The following CLVS1 variants were observed in gnomAD, a reference collection of about 807,000 sequenced individuals.
CLVS1 encodes the protein clavesin-1.
Under a neutral mutation model 33.1 loss-of-function variants are expected in CLVS1, and 10 were observed. The ratio of observed to expected loss-of-function variants is 0.30; its 90% CI spans 0.19 to 0.51. The LOEUF (loss-of-function observed/expected upper bound fraction) is 0.51, where lower values mean the gene tolerates loss of function less well. CLVS1 is among the 20% of genes least tolerant of loss of function. The probability of loss-of-function intolerance (pLI) is 0.97; values close to 1 mark genes in which losing one functional copy is unlikely to be tolerated. For synonymous variants in CLVS1, 163 were observed against 166.1 expected (o/e 0.98, Z 0.14); for missense variants, 343 against 433.4 (o/e 0.79, Z 1.85).
At chr8:61,101,186 C>A (rs1244024519) in intron 1 of CLVS1, among the ~76,000 whole-genome samples, 2 of 152,152 alleles carry the variant, frequency 1.3e-5, no homozygotes, top group East Asian at 3.9e-4. Context: ...AAAGTGACTG[C>A]ACTATTTTAT....
chr8:61,215,606 T>C (rs1808066114), intron 2 of CLVS1, among the ~76,000 whole-genome samples: 1 of 152,078 alleles, frequency 6.6e-6, no homozygotes, highest in Non-Finnish European at 1.5e-5. Flanking sequence ...TCCTACTAGC[T>C]AGAACTTTGA....
chr8:61,063,499 A>G (rs1278169750), intron 1 of CLVS1, among the ~76,000 whole-genome samples: 1 of 152,152 alleles, frequency 6.6e-6, no homozygotes, highest in East Asian at 1.9e-4. Flanking sequence ...GGACAGGAAC[A>G]TTGCAAGCTG....
chr8:61,417,879 G>C (rs1329992243), intron 3 of CLVS1, among the ~76,000 whole-genome samples: 1 of 152,190 alleles, frequency 6.6e-6, no homozygotes, highest in African/African-American at 2.4e-5. Flanking sequence ...TCCACCTGGT[G>C]GCTGTCCTCA....
chr8:61,033,191 T>C, the CLVS1 span, among the ~76,000 whole-genome samples: 1 of 143,682 alleles, frequency 7.0e-6, no homozygotes, highest in East Asian at 2.1e-4. Flanking sequence ...TAGCCAAGTG[T>C]GGTGGTGCAC....
At chr8:61,429,916 C>A (rs1230642420) in intron 3 of CLVS1, among the ~76,000 whole-genome samples, 6 of 152,130 alleles carry the variant, frequency 3.9e-5, no homozygotes, top group African/African-American at 1.4e-4. Flanking sequence ...TCTCTTTTGG[C>A]CCTTAAATTC....
the CLVS1 span, among the ~76,000 whole-genome samples, chr8:61,044,198 G>C: frequency 6.6e-6 from 1 of 152,186 alleles, no homozygotes; most frequent in African/African-American, 2.4e-5. Flanking sequence ...TTGAGTAACA[G>C]CTCTGGAAAG....
Position 61,232,038 on chromosome 8 carries a change from T to TTG in CLVS1, c.-151-67638_-151-67637insGT, listed in dbSNP as rs1808453123. On this transcript the variant is annotated intron_variant, in intron 2 of 2. Transcript: ENST00000522621. ...GAAAGTTGTGGTTTTTTTTTTTTTTTTTTTTTTTTTTTGTGAGATGGAGTC... is the reference window on the plus strand; with the variant it reads ...GAAAGTTGTGGTTTTTTTTTTTTTTTTGTTTTTTTTTTTTGTGAGATGGAGTC... 6.6e-5 allele frequency among the ~76,000 whole-genome samples: 9 copies of TTG among 136,320 alleles called. 2 individuals carry two copies. In the South Asian group the frequency reaches 1.5e-3, roughly 23 times the overall value. The allele number at this position is 136,320 out of a possible 152,430, so 89.4% of individuals were successfully genotyped here. A position where few individuals can be genotyped will look rare whatever the true frequency, so the allele number is the denominator to read the frequency against.
At chr8:61,004,705 C>A in the CLVS1 span, among the ~76,000 whole-genome samples, 21 of 152,160 alleles carry the variant, frequency 1.4e-4, no homozygotes, top group Non-Finnish European at 2.9e-4. Flanking sequence ...CTGGAGGAGC[C>A]GGCAGCAGGG....
intron 3 of CLVS1, among the ~76,000 whole-genome samples, chr8:61,434,033 A>G (rs1297320532): frequency 1.3e-5 from 2 of 152,120 alleles, no homozygotes; most frequent in Non-Finnish European, 2.9e-5. Flanking sequence ...GAAGTCTGGT[A>G]GGATCCTGGA....
At chr8:61,020,592 C>T in the CLVS1 span, among the ~76,000 whole-genome samples, 7 of 152,210 alleles carry the variant, frequency 4.6e-5, no homozygotes, top group Non-Finnish European at 7.3e-5. Flanking sequence ...TCTCAGCCCA[C>T]AGATTTACCA....
At chr8:61,052,669 C>A (rs942914562), upstream of CLVS1, among the ~76,000 whole-genome samples, 2 of 152,142 alleles carry the variant, frequency 1.3e-5, no homozygotes, top group African/African-American at 4.8e-5. Flanking sequence ...GAGGGAGGGG[C>A]AGGCTAGGAG....
intron 2 of CLVS1, among the ~76,000 whole-genome samples, chr8:61,234,385 A>G (rs975713049): frequency 2.6e-5 from 4 of 152,150 alleles, no homozygotes; most frequent in African/African-American, 9.7e-5. Context: ...AATAGCTTAC[A>G]TTTCCGGAGT....
intron 2 of CLVS1, among the ~76,000 whole-genome samples, chr8:61,192,238 C>G (rs1245028219): frequency 6.6e-6 from 1 of 152,206 alleles, no homozygotes; most frequent in African/African-American, 2.4e-5. Flanking sequence ...CTACAACTAT[C>G]TGATCTTTGA....
chr8:61,147,369 A>G (rs566911523), intron 2 of CLVS1, among the ~76,000 whole-genome samples: 1 of 152,322 alleles, frequency 6.6e-6, no homozygotes, highest in South Asian at 2.1e-4. Context: ...GGATATTGCA[A>G]CTGTGGAACT....
At chr8:61,034,748 G>A in the CLVS1 span, among the ~76,000 whole-genome samples, 1 of 152,168 alleles carries the variant, frequency 6.6e-6, no homozygotes, top group African/African-American at 2.4e-5. Context: ...TGCAATGGCG[G>A]TGAAAATGGT....
intron 2 of CLVS1, among the ~76,000 whole-genome samples, chr8:61,178,233 G>A (rs1173876933): frequency 1.3e-5 from 2 of 152,102 alleles, no homozygotes; most frequent in Non-Finnish European, 1.5e-5. Context: ...AGATCAAGTG[G>A]AAGAAAGAAT....
At chr8:60,990,960 C>G in the CLVS1 span, among the ~76,000 whole-genome samples, 1 of 152,222 alleles carries the variant, frequency 6.6e-6, no homozygotes, top group Non-Finnish European at 1.5e-5. Context: ...GATCCACCTG[C>G]CTTGGCCTCC....
rs1043527509 is a variant in CLVS1, at chr8:61,245,205, C to CT, written c.-151-54462dup. On this transcript the variant is annotated intron_variant, in intron 2 of 2. Coordinates refer to the CLVS1 transcript ENST00000522621. Reference sequence around the variant, plus strand: ...AAGTCTCCTTACATATTAGAGCTGTCTTTTTTTTTTCTTTGACAGAGTCTT... The same window carrying CT: ...AAGTCTCCTTACATATTAGAGCTGTCTTTTTTTTTTTCTTTGACAGAGTCTT... Among the ~76,000 whole-genome samples the CT allele has an allele frequency of 8.2e-3, 1,219 of 149,570 alleles. 17 individuals carry two copies. Among genetic ancestry groups the CT allele is most frequent in the African/African-American group, 0.027 (1,124 of 40,908 alleles).
intron 2 of CLVS1, among the ~76,000 whole-genome samples, chr8:61,224,190 C>T (rs778350971): frequency 7.2e-5 from 11 of 152,070 alleles, no homozygotes; most frequent in South Asian, 2.1e-4. Flanking sequence ...TCTCCTCCTC[C>T]GTCCAGTTCT....
Sources: allele counts gnomAD v4.1 joint callset (sites outside exome capture counted in the v4.1 genomes callset), GRCh38; gene constraint gnomAD v4.1.1; transcripts MANE v1.5; gene names NCBI Gene and HGNC (gene_info 2026-07-23, HGNC 2026-07-21).